EVI5: variants seen among roughly 807,000 people sequenced by gnomAD.
EVI5 encodes ecotropic viral integration site 5 protein homolog.
Under a neutral mutation model 112.0 loss-of-function variants are expected in EVI5, and 73 were observed. That is an observed-to-expected ratio of 0.65 (90% confidence interval 0.54 to 0.79). EVI5 has a LOEUF of 0.79. Among genes scored for constraint, EVI5 ranks in the 30% least tolerant of loss-of-function variants. The pLI, the probability that EVI5 is intolerant of heterozygous loss-of-function variation, is 0.00. For synonymous variants in EVI5, 305 were observed against 319.9 expected, an observed-to-expected ratio of 0.95 and a Z score of 0.50; for missense variants, 900 against 968.8, an observed-to-expected ratio of 0.93 and a Z score of 0.94.
Position 92,727,003 on chromosome 1 carries a change from TAAGAC to T in EVI5, c.149+9390_149+9394del, listed in dbSNP as rs1481826357. On this transcript the variant is annotated intron_variant, in intron 2 of 19. Transcript: ENST00000684568. ...GATGGCAGAATTAAAGGAAACAATA[TAAGAC>T]AAGTTTAAATATAACAATATTAATA... 3.3e-5 allele frequency among the ~76,000 whole-genome samples: 5 copies of T among 152,172 alleles called. No individual in the cohort carries two copies. In the South Asian group the frequency reaches 6.2e-4, roughly 19 times the overall value.
intron 1 of EVI5, among the ~76,000 whole-genome samples, chr1:92,770,720 G>A (rs570692206): frequency 5.9e-5 from 9 of 151,892 alleles, no homozygotes; most frequent in African/African-American, 1.9e-4. Context: ...AACCCGGGAG[G>A]TGGAGGTTGC....
intron 14 of EVI5, among the ~76,000 whole-genome samples, chr1:92,634,829 A>C (rs901755468): frequency 6.6e-6 from 1 of 151,902 alleles, no homozygotes; most frequent in African/African-American, 2.4e-5. Context: ...TTTGGTCTTC[A>C]ATGGTGGTGA....
chr1:92,523,852 G>A (rs1414878633), intron 19 of EVI5, among the ~76,000 whole-genome samples: 4 of 152,066 alleles, frequency 2.6e-5, no homozygotes, highest in Non-Finnish European at 5.9e-5. Flanking sequence ...TTGGGAGGCC[G>A]AGGCTGGTGG....
At chr1:92,588,822 T>C (rs1571730829) in intron 18 of EVI5, among the ~76,000 whole-genome samples, 1 of 152,242 alleles carries the variant, frequency 6.6e-6, no homozygotes, top group East Asian at 1.9e-4. Flanking sequence ...AGAATAACAT[T>C]TAAAGTCTAA....
intron 2 of EVI5, among the ~76,000 whole-genome samples, chr1:92,709,971 T>C (rs181979102): frequency 4.0e-5 from 6 of 150,878 alleles, no homozygotes; most frequent in Non-Finnish European, 5.9e-5. Context: ...AAAATGGTAA[T>C]ACAGCATTAC....
chr1:92,639,195 C>CT (rs1659463303), intron 13 of EVI5, among the ~76,000 whole-genome samples: 1 of 152,034 alleles, frequency 6.6e-6, no homozygotes, highest in Non-Finnish European at 1.5e-5. Context: ...GACAGAAATT[C>CT]TTTTTAGTAA....
At chr1:92,572,125 T>C (rs1670410763) in intron 18 of EVI5, among the ~76,000 whole-genome samples, 1 of 152,144 alleles carries the variant, frequency 6.6e-6, no homozygotes, top group African/African-American at 2.4e-5. Flanking sequence ...ATCTGATTCA[T>C]ATTAAGGCCT....
chr1:92,722,357 C>T (rs1183948896), intron 2 of EVI5, among the ~76,000 whole-genome samples: 2 of 151,948 alleles, frequency 1.3e-5, no homozygotes, highest in African/African-American at 2.4e-5. Context: ...GGTACATGTG[C>T]ACAACGTGCA....
chr1:92,607,850 T>C, intron 16 of EVI5, 123 bp from the exon 17 acceptor site: 1 of 591,576 alleles, frequency 1.7e-6, no homozygotes. Context: ...TCACTGTTAT[T>C]CAACAAAATC....
chr1:92,517,626 C>T (rs922143778), intron 19 of EVI5, among the ~76,000 whole-genome samples: 3 of 152,144 alleles, frequency 2.0e-5, no homozygotes, highest in Admixed American at 6.5e-5. Flanking sequence ...CAAGCTGTTC[C>T]GGGCCAATTC....
At chr1:92,534,504 G>A (rs1327559821) in intron 19 of EVI5, among the ~76,000 whole-genome samples, 1 of 152,154 alleles carries the variant, frequency 6.6e-6, no homozygotes, top group Non-Finnish European at 1.5e-5. Context: ...CAAAGCTGAA[G>A]GTATCACGCT....
At chr1:92,748,279 C>CATGGAGAGT (rs1466666343) in intron 1 of EVI5, among the ~76,000 whole-genome samples, 3 of 152,198 alleles carry the variant, frequency 2.0e-5, no homozygotes, top group Non-Finnish European at 4.4e-5. Context: ...GCAGAGACCA[C>CATGGAGAGT]ATGGAGAGTA....
chr1:92,542,853 A>G (rs1665052325), intron 19 of EVI5, among the ~76,000 whole-genome samples: 1 of 152,206 alleles, frequency 6.6e-6, no homozygotes, highest in South Asian at 2.1e-4. Flanking sequence ...ATATTTTGGA[A>G]GGAAATCATT....
At chr1:92,573,609 AAT>A (rs1329001558) in intron 18 of EVI5, among the ~76,000 whole-genome samples, 1 of 152,064 alleles carries the variant, frequency 6.6e-6, no homozygotes, top group Non-Finnish European at 1.5e-5. Flanking sequence ...TAAAAACAAA[AAT>A]AGAGGAAAAC....
intron 1 of EVI5, among the ~76,000 whole-genome samples, chr1:92,751,168 T>A (rs1156504736): frequency 1.3e-5 from 2 of 152,040 alleles, no homozygotes; most frequent in African/African-American, 4.8e-5. Context: ...TAAAAATAAA[T>A]AAAAAACATA....
rs1021570906 is a variant in EVI5, at chr1:92,735,977, C to A, written c.149+421G>T. ...GAGCAGAAAACTATTCTATTTAATA[C>A]CATTAGGAGAAAAGGATATTTTGCT... On this transcript the variant is annotated intron_variant, in intron 2 of 19. Transcript: ENST00000684568. Among the ~76,000 whole-genome samples the A allele has an allele frequency of 2.0e-5, 3 of 150,640 alleles. No homozygotes were observed. In the Middle Eastern group the frequency reaches 0.01, roughly 523 times the overall value.
At chr1:92,618,676 G>A (rs1653791046) in intron 16 of EVI5, among the ~76,000 whole-genome samples, 1 of 152,194 alleles carries the variant, frequency 6.6e-6, no homozygotes, top group Non-Finnish European at 1.5e-5. Flanking sequence ...AACATGACCT[G>A]CTGAGGTGCT....
At chr1:92,630,894 C>T (rs1465330258) in intron 14 of EVI5, among the ~76,000 whole-genome samples, 2 of 151,826 alleles carry the variant, frequency 1.3e-5, no homozygotes, top group Non-Finnish European at 2.9e-5. Flanking sequence ...TATGGCTAGC[C>T]AGTTTTCCCA....
At chr1:92,563,760 A>G (rs768905155) in intron 18 of EVI5, 23 bp from the exon 19 acceptor site, 1 of 1,509,330 alleles carries the variant, frequency 6.6e-7, no homozygotes, top group South Asian at 1.1e-5. Flanking sequence ...AAAACAACAA[A>G]GCAAAAACAA....
Sources: allele counts gnomAD v4.1 joint callset (sites outside exome capture counted in the v4.1 genomes callset), GRCh38; gene constraint gnomAD v4.1.1; transcripts MANE v1.5; gene names NCBI Gene and HGNC (gene_info 2026-07-23, HGNC 2026-07-21).